The following CTNNA2 variants were observed in gnomAD, a reference collection of about 807,000 sequenced individuals.
The protein encoded by CTNNA2 is catenin alpha 2.
Under a neutral mutation model 101.0 loss-of-function variants are expected in CTNNA2, and 42 were observed. The observed-to-expected ratio is 0.42, with a 90% CI of 0.32 to 0.54. The LOEUF (loss-of-function observed/expected upper bound fraction) is 0.54, where lower values mean the gene tolerates loss of function less well. CTNNA2 is among the 20% of genes least tolerant of loss of function. The pLI, the probability that CTNNA2 is intolerant of heterozygous loss-of-function variation, is 0.14. For synonymous variants in CTNNA2, 450 were observed against 456.4 expected, an observed-to-expected ratio of 0.99 and a Z score of 0.18; for missense variants, 871 against 1,223.1, an observed-to-expected ratio of 0.71 and a Z score of 4.29.
chr2:79,930,278 G>A (rs57310881), intron 7 of CTNNA2, among the ~76,000 whole-genome samples: 8 of 14,944 alleles, frequency 5.4e-4, no homozygotes, highest in South Asian at 3.1e-3. Flanking sequence ...AAGAAAGAAA[G>A]AGAGAGAGAG....
chr2:79,710,053 A>G (rs1165095379), intron 2 of CTNNA2, among the ~76,000 whole-genome samples: 1 of 152,102 alleles, frequency 6.6e-6, no homozygotes, highest in African/African-American at 2.4e-5. Context: ...AAAAATCCCG[A>G]TACTTGTCCC....
At chr2:79,272,991 A>C (rs567853941) in intron 2 of CTNNA2, among the ~76,000 whole-genome samples, 4 of 152,190 alleles carry the variant, frequency 2.6e-5, no homozygotes, top group Non-Finnish European at 2.9e-5. Flanking sequence ...TGAAAAGTAT[A>C]ATGTTAGGTG....
At chr2:79,379,952 T>C (rs1263729382) in intron 4 of CTNNA2, among the ~76,000 whole-genome samples, 1 of 152,166 alleles carries the variant, frequency 6.6e-6, no homozygotes, top group Admixed American at 6.6e-5. Context: ...GTCTTCAAAA[T>C]ATCCAGTTTT....
intron 7 of CTNNA2, among the ~76,000 whole-genome samples, chr2:80,055,464 G>A (rs1346398278): frequency 6.6e-6 from 1 of 152,074 alleles, no homozygotes; most frequent in Non-Finnish European, 1.5e-5. Flanking sequence ...GCTAGCCAGT[G>A]GGCCGAATCT....
Position 79,310,252 on chromosome 2 carries a change from G to A in CTNNA2, c.-405-2457G>A, listed in dbSNP as rs6714496. ...TCCAATATTATGCTTAAGAGCAATGGTGATAATAAAATATTTGGTATATTC... is the reference window on the plus strand; with the variant it reads ...TCCAATATTATGCTTAAGAGCAATGATGATAATAAAATATTTGGTATATTC... On this transcript the variant is annotated intron_variant, in intron 2 of 21. Coordinates refer to the CTNNA2 transcript ENST00000466387. Among the ~76,000 whole-genome samples, 197 of 152,266 alleles carry A rather than the reference G, an allele frequency of 1.3e-3. 1 individual carries two copies. Among genetic ancestry groups the A allele is most frequent in the African/African-American group, 4.2e-3 (176 of 41,550 alleles).
chr2:80,187,476 C>T (rs1034986379), intron 7 of CTNNA2, among the ~76,000 whole-genome samples: 1 of 152,222 alleles, frequency 6.6e-6, no homozygotes. Context: ...ACGTATGTTG[C>T]TCATCTATAC....
intron 15 of CTNNA2, among the ~76,000 whole-genome samples, chr2:80,602,316 C>T (rs1697624949): frequency 6.6e-6 from 1 of 151,902 alleles, no homozygotes; most frequent in Admixed American, 6.6e-5. Flanking sequence ...GATTCAGGAT[C>T]TATATAGACA....
chr2:80,062,881 A>G (rs1317314961), intron 7 of CTNNA2, among the ~76,000 whole-genome samples: 3 of 151,588 alleles, frequency 2.0e-5, no homozygotes, highest in Non-Finnish European at 4.4e-5. Context: ...AATTTTTTGT[A>G]TTTTTAGCAG....
intron 8 of CTNNA2, among the ~76,000 whole-genome samples, chr2:80,411,371 C>T (rs566812405): frequency 6.6e-6 from 1 of 152,104 alleles, no homozygotes; most frequent in African/African-American, 2.4e-5. Context: ...AGTAGGGATT[C>T]ATTAGGACTC....
Position 80,303,439 on chromosome 2 carries a change from T to C in CTNNA2, c.1057-89772T>C. On this transcript the variant is annotated intron_variant, in intron 7 of 18. Transcript: ENST00000402739. This position sits in a 1 kb window ranked among gnomAD's most constrained non-coding sequence, Gnocchi z 7.7. ...TGGGCCGGAAGGTGGTGTTGGGCAG[T>C]TGGGTGATCTGGTTGGAACTCAGCG... 6.2e-7 allele frequency: 1 copy of C among 1,614,074 alleles called. No individual in the cohort carries two copies. Among genetic ancestry groups the C allele is most frequent in the Non-Finnish European group, 8.5e-7 (1 of 1,180,026 alleles).
At chr2:79,417,576 C>T (rs1171699147) in intron 4 of CTNNA2, among the ~76,000 whole-genome samples, 1 of 152,070 alleles carries the variant, frequency 6.6e-6, no homozygotes, top group African/African-American at 2.4e-5. Flanking sequence ...TCTACTCTTT[C>T]CTCTCCCTTT....
At chr2:79,835,575 G>A (rs1159969335) in intron 3 of CTNNA2, among the ~76,000 whole-genome samples, 1 of 149,248 alleles carries the variant, frequency 6.7e-6, no homozygotes, top group East Asian at 2.0e-4. Context: ...GCTGACAGAT[G>A]TCTTCTGTGT....
intron 3 of CTNNA2, among the ~76,000 whole-genome samples, chr2:79,848,620 C>A (rs141590139): frequency 6.6e-6 from 1 of 152,144 alleles, no homozygotes; most frequent in Non-Finnish European, 1.5e-5. Context: ...TGCAAGGTGG[C>A]GCATTACTGT....
chr2:80,330,267 A>T (rs575284077), intron 7 of CTNNA2, among the ~76,000 whole-genome samples: 1 of 152,254 alleles, frequency 6.6e-6, no homozygotes, highest in Non-Finnish European at 1.5e-5. Context: ...AAGTGGATCT[A>T]CTTAACAGTA....
chr2:79,260,449 A>G (rs901324223), intron 2 of CTNNA2, among the ~76,000 whole-genome samples: 1 of 152,116 alleles, frequency 6.6e-6, no homozygotes, highest in Non-Finnish European at 1.5e-5. Context: ...TTTTCTGTCT[A>G]CCTTACGTTT....
At chr2:79,315,893 A>G (rs1676485045) in intron 3 of CTNNA2, among the ~76,000 whole-genome samples, 1 of 152,092 alleles carries the variant, frequency 6.6e-6, no homozygotes, top group Admixed American at 6.6e-5. Flanking sequence ...AAGGATTCTA[A>G]TATCTCTATA....
At chr2:80,612,643 T>C (rs1275597133) in intron 17 of CTNNA2, among the ~76,000 whole-genome samples, 1 of 151,338 alleles carries the variant, frequency 6.6e-6, no homozygotes, top group Admixed American at 6.6e-5. Context: ...GTTGTGTTCC[T>C]TTTATTTTTA....
At chr2:79,511,331 G>A (rs1171606735), upstream of CTNNA2, among the ~76,000 whole-genome samples, 2 of 152,260 alleles carry the variant, frequency 1.3e-5, no homozygotes, top group South Asian at 2.1e-4. Context: ...AAATTCAGCT[G>A]AAGGCCTACC....
At chr2:79,659,165 T>G (rs1205214194) in intron 2 of CTNNA2, among the ~76,000 whole-genome samples, 1 of 149,704 alleles carries the variant, frequency 6.7e-6, no homozygotes, top group Non-Finnish European at 1.5e-5. Flanking sequence ...ATTCCAGAAA[T>G]AAATGAACAC....
Sources: gnomAD v4.1 joint callset for allele counts (sites outside exome capture counted in the v4.1 genomes callset) on GRCh38, gnomAD v4.1.1 for gene constraint, Gnocchi (gnomAD v3.1) non-coding constraint, MANE v1.5 for transcripts, NCBI Gene and HGNC (gene_info 2026-07-23, HGNC 2026-07-21) for gene names.